The following SDK1 variants were observed in gnomAD, a reference collection of about 807,000 sequenced individuals.
The protein encoded by SDK1 is protein sidekick-1.
Under a neutral mutation model 245.5 loss-of-function variants are expected in SDK1, and 157 were observed. That is an observed-to-expected ratio of 0.64 (90% confidence interval 0.56 to 0.73). The LOEUF is 0.73. Among genes scored for constraint, SDK1 ranks in the 30% least tolerant of loss-of-function variants. The probability of loss-of-function intolerance (pLI) is 0.00; values close to 1 mark genes in which losing one functional copy is unlikely to be tolerated. For synonymous variants in SDK1, 1,647 were observed against 1,278.5 expected (o/e 1.29, Z -6.15); for missense variants, 3,583 against 3,002.3 (o/e 1.19, Z -4.52).
chr7:3,959,413 G>C (rs1024932598), intron 8 of SDK1, among the ~76,000 whole-genome samples: 8 of 152,142 alleles, frequency 5.3e-5, no homozygotes, highest in Non-Finnish European at 1.2e-4. Flanking sequence ...AGCCACTCTA[G>C]AAAGGGAGAT....
Position 3,668,307 on chromosome 7 carries a change from A to C in SDK1, c.713+26202A>C, listed in dbSNP as rs190753545. Among the ~76,000 whole-genome samples the C allele has an allele frequency of 2.9e-3, 440 of 152,190 alleles. 4 individuals are homozygous for C. The highest frequency in any genetic ancestry group is 0.018 in the South Asian group (86 of 4,814). On this transcript the variant is annotated intron_variant, in intron 4 of 44. Coordinates refer to ENST00000404826, the MANE Select transcript of SDK1 (RefSeq NM_152744.4). The stretch of plus-strand genomic sequence containing the variant: ...GGCAGTAGATTCCTCTTCCAACACG[A>C]CTCACTTTCATGGCAAAAGTTGGTA...
intron 13 of SDK1, chr7:3,974,746 C>G (rs189633933): frequency 3.8e-6 from 2 of 533,004 alleles, no homozygotes; most frequent in African/African-American, 3.8e-5. Context: ...TGAGAAGTTT[C>G]GTTTTTGGTG....
chr7:3,304,804 C>A (rs557224881), intron 1 of SDK1, among the ~76,000 whole-genome samples: 1 of 152,340 alleles, frequency 6.6e-6, no homozygotes, highest in South Asian at 2.1e-4. Context: ...CCCAGTGTTT[C>A]TCAAACTTGG....
chr7:4,189,265 G>T (rs1783056219), intron 35 of SDK1, among the ~76,000 whole-genome samples: 1 of 150,500 alleles, frequency 6.6e-6, no homozygotes, highest in Admixed American at 6.6e-5. Flanking sequence ...TTTTATTGCG[G>T]CGGTTGCTGT....
chr7:3,541,119 C>G (rs1002296057), intron 1 of SDK1, among the ~76,000 whole-genome samples: 19 of 152,200 alleles, frequency 1.2e-4, no homozygotes, highest in Admixed American at 1.2e-3. Flanking sequence ...GTGATACATG[C>G]ATTCTGATTC....
intron 2 of SDK1, among the ~76,000 whole-genome samples, chr7:3,624,588 G>A (rs1782053944): frequency 6.6e-6 from 1 of 152,096 alleles, no homozygotes; most frequent in Non-Finnish European, 1.5e-5. Flanking sequence ...GTAAACAGAA[G>A]AATACCAACA....
intron 17 of SDK1, among the ~76,000 whole-genome samples, chr7:4,025,682 G>T (rs1408535241): frequency 6.6e-6 from 1 of 152,168 alleles, no homozygotes; most frequent in East Asian, 1.9e-4. Context: ...TGACCTATAA[G>T]TAAACAAAGC....
At chr7:3,614,850 T>G (rs1217055488) in intron 1 of SDK1, among the ~76,000 whole-genome samples, 1 of 144,052 alleles carries the variant, frequency 6.9e-6, no homozygotes, top group African/African-American at 2.4e-5. Context: ...CTAACCATAA[T>G]TTTACGGCCA....
At chr7:3,751,579 C>T (rs1779773182) in intron 4 of SDK1, among the ~76,000 whole-genome samples, 1 of 152,172 alleles carries the variant, frequency 6.6e-6, no homozygotes, top group African/African-American at 2.4e-5. Context: ...TTTTTACAGG[C>T]CTGGATCATG....
In SDK1 at chr7:3,981,067, C is replaced by T. The variant is rs147146140; in HGVS notation, c.1995-6119C>T. 5.3e-5 allele frequency among the ~76,000 whole-genome samples: 8 copies of T among 152,202 alleles called. No homozygotes were observed. In the East Asian group the frequency reaches 1.5e-3, roughly 29 times the overall value. Reference sequence around the variant, plus strand: ...TTACAAACTGGAGGTTTGCAGCAACCCTGTGTTAAGTAAGTCTATTGATGC... The same window carrying T: ...TTACAAACTGGAGGTTTGCAGCAACTCTGTGTTAAGTAAGTCTATTGATGC... On this transcript the variant is annotated intron_variant, in intron 13 of 44. Transcript: ENST00000404826.
At chr7:3,317,048 G>C (rs756711665) in intron 1 of SDK1, among the ~76,000 whole-genome samples, 1 of 151,576 alleles carries the variant, frequency 6.6e-6, no homozygotes, top group Non-Finnish European at 1.5e-5. Context: ...GAGTGTGGTG[G>C]TGTGCACTTG....
chr7:3,817,260 T>A (rs1779531452), intron 4 of SDK1, among the ~76,000 whole-genome samples: 1 of 152,190 alleles, frequency 6.6e-6, no homozygotes, highest in South Asian at 2.1e-4. Context: ...TCCCCTTGGG[T>A]CCATAGATAC....
chr7:3,400,471 G>C (rs1263694192), intron 1 of SDK1, among the ~76,000 whole-genome samples: 2 of 152,066 alleles, frequency 1.3e-5, no homozygotes, highest in Non-Finnish European at 2.9e-5. Context: ...AGTCCCTGAA[G>C]GTTACATACA....
intron 1 of SDK1, among the ~76,000 whole-genome samples, chr7:3,332,188 C>T (rs1033741472): frequency 2.0e-5 from 3 of 152,084 alleles, no homozygotes; most frequent in Non-Finnish European, 2.9e-5. Flanking sequence ...TTTGGTTATC[C>T]ATGGAAAACT....
chr7:3,828,205 G>A (rs1042655698), intron 5 of SDK1, among the ~76,000 whole-genome samples: 5 of 152,074 alleles, frequency 3.3e-5, no homozygotes, highest in African/African-American at 1.2e-4. Context: ...TTGAACCTGG[G>A]AAGTGAAGGC....
intron 12 of SDK1, among the ~76,000 whole-genome samples, chr7:3,971,918 A>T (rs1782513717): frequency 6.6e-6 from 1 of 152,068 alleles, no homozygotes; most frequent in Non-Finnish European, 1.5e-5. Flanking sequence ...CATTGTTTAC[A>T]CGGGGGCTGT....
At chr7:3,997,598 C>A (rs1347355120) in intron 14 of SDK1, among the ~76,000 whole-genome samples, 10 of 152,204 alleles carry the variant, frequency 6.6e-5, no homozygotes, top group African/African-American at 2.4e-4. Flanking sequence ...GGTAGCTCCT[C>A]TTTACAGCTG....
chr7:3,534,883 CA>C (rs1401715901), intron 1 of SDK1, among the ~76,000 whole-genome samples: 1 of 152,128 alleles, frequency 6.6e-6, no homozygotes, highest in African/African-American at 2.4e-5. Context: ...CTTTATCAGC[CA>C]CGTGTACATG....
intron 44 of SDK1, among the ~76,000 whole-genome samples, chr7:4,246,657 TCA>T (rs1786879732): frequency 6.6e-6 from 1 of 152,098 alleles, no homozygotes; most frequent in African/African-American, 2.4e-5. Context: ...AGGGATTTGC[TCA>T]CAGCAGTTCC....
Sources: allele counts gnomAD v4.1 joint callset (sites outside exome capture counted in the v4.1 genomes callset), GRCh38; gene constraint gnomAD v4.1.1; transcripts MANE v1.5; gene names NCBI Gene and HGNC (gene_info 2026-07-23, HGNC 2026-07-21).